The following FAM210A variants were observed in gnomAD, a reference collection of about 807,000 sequenced individuals.
FAM210A encodes family with sequence similarity 210 member A.
In FAM210A, 13 loss-of-function variants were observed where a neutral mutation model predicts 25.3. That is an observed-to-expected ratio of 0.51 (90% CI 0.33 to 0.82). The LOEUF (loss-of-function observed/expected upper bound fraction) is 0.82, where lower values mean the gene tolerates loss of function less well. Ranked by LOEUF, FAM210A falls within the 40% of genes least tolerant of loss-of-function variation. The pLI is 0.02. For missense variants in FAM210A, 319 were observed against 323.2 expected (o/e 0.99, Z 0.10); for synonymous variants, 125 against 118.7 (o/e 1.05, Z -0.35).
chr18:13,695,699 C>T (rs1283927614), intron 1 of FAM210A, among the ~76,000 whole-genome samples: 2 of 142,060 alleles, frequency 1.4e-5, no homozygotes, highest in Non-Finnish European at 3.0e-5. Flanking sequence ...GAACATCACA[C>T]ACCAGGGCCT....
chr18:13,691,791 C>G (rs1395810784), intron 1 of FAM210A, among the ~76,000 whole-genome samples: 2 of 106,114 alleles, frequency 1.9e-5, no homozygotes, highest in Non-Finnish European at 3.9e-5. Context: ...CCAGCCACTG[C>G]AAAAACATGC....
intron 1 of FAM210A, among the ~76,000 whole-genome samples, chr18:13,716,181 T>A (rs1421871331): frequency 2.0e-5 from 3 of 152,218 alleles, no homozygotes; most frequent in Admixed American, 1.3e-4. Flanking sequence ...ACTTTAAGAT[T>A]GTCTAGTTAC....
At chr18:13,669,891 G>A (rs1308769188) in intron 3 of FAM210A, among the ~76,000 whole-genome samples, 1 of 152,198 alleles carries the variant, frequency 6.6e-6, no homozygotes, top group Non-Finnish European at 1.5e-5. Context: ...TGGGGACTTT[G>A]TCTTGTTGAA....
intron 1 of FAM210A, among the ~76,000 whole-genome samples, chr18:13,693,940 T>C (rs915752888): frequency 2.0e-5 from 3 of 152,176 alleles, no homozygotes; most frequent in Admixed American, 6.5e-5. Context: ...GGAAGTTAAA[T>C]TCTCCCTGTT....
At chr18:13,713,843 G>C (rs141960350) in intron 1 of FAM210A, among the ~76,000 whole-genome samples, 1 of 151,872 alleles carries the variant, frequency 6.6e-6, no homozygotes, top group Non-Finnish European at 1.5e-5. Context: ...TGACTCAAGC[G>C]ATCCTCCTGC....
intron 1 of FAM210A, among the ~76,000 whole-genome samples, chr18:13,725,733 G>C (rs556141969): frequency 2.5e-4 from 38 of 152,246 alleles, no homozygotes; most frequent in African/African-American, 8.7e-4. Flanking sequence ...TACAGTAGGC[G>C]CTTTCACTCC....
At chr18:13,704,805 TAC>T (rs1303550930) in intron 1 of FAM210A, among the ~76,000 whole-genome samples, 1 of 152,228 alleles carries the variant, frequency 6.6e-6, no homozygotes, top group East Asian at 1.9e-4. Flanking sequence ...TATCCATAAT[TAC>T]AGTTATTATG....
chr18:13,709,217 T>C (rs1054970189), intron 1 of FAM210A, among the ~76,000 whole-genome samples: 2 of 152,280 alleles, frequency 1.3e-5, no homozygotes, highest in South Asian at 2.1e-4. Context: ...TTTAAAACTT[T>C]CCCATTTTTC....
chr18:13,718,526 C>CAA (rs752693975), intron 1 of FAM210A, among the ~76,000 whole-genome samples: 4 of 142,152 alleles, frequency 2.8e-5, no homozygotes, highest in East Asian at 2.0e-4. Context: ...GATTAAAGGC[C>CAA]AAAAAAAAAA....
chr18:13,683,124 T>G (rs113992614), intron 1 of FAM210A, among the ~76,000 whole-genome samples: 1,966 of 152,294 alleles, frequency 0.013, 7 homozygotes, highest in Middle Eastern at 0.034. Flanking sequence ...TCACCAGGAA[T>G]TACATAAAAT....
At chr18:13,670,325 T>C (rs1261146133) in intron 3 of FAM210A, among the ~76,000 whole-genome samples, 1 of 152,184 alleles carries the variant, frequency 6.6e-6, no homozygotes, top group East Asian at 1.9e-4. Context: ...CCCACCATAA[T>C]TAGAAACTTG....
chr18:13,680,688 C>T (rs2043545747), intron 2 of FAM210A, among the ~76,000 whole-genome samples: 1 of 152,162 alleles, frequency 6.6e-6, no homozygotes, highest in African/African-American at 2.4e-5. Context: ...CACTGAAAAC[C>T]ACTCAACTCT....
chr18:13,684,016 C>T (rs2043576102), intron 1 of FAM210A, among the ~76,000 whole-genome samples: 1 of 152,196 alleles, frequency 6.6e-6, no homozygotes, highest in African/African-American at 2.4e-5. Flanking sequence ...AACAGACTCT[C>T]ACAGATAATC....
intron 3 of FAM210A, 64 bp downstream of exon 3, chr18:13,671,798 T>C: frequency 2.0e-6 from 2 of 985,464 alleles, no homozygotes; most frequent in South Asian, 1.4e-5. Flanking sequence ...TGGAATCTCA[T>C]GGGAAAGTGA....
Position 13,666,633 on chromosome 18 carries a change from C to T in FAM210A, c.666G>A (p.Met222Ile), listed in dbSNP as rs1189379789. The change falls in exon 4 of 4, where the codon ATG becomes ATA. Residue 222 changes from methionine to isoleucine, a missense_variant. Met to Ile is a conservative substitution (Grantham distance 10). Transcript: ENST00000651643. ...TVKYLRSHGY[M>I]STPPPVKEYL... ...ACTCCTTGACGGGTGGCGGCGTGGA[C>T]ATGTAGCCATGACTGCGCAGATACT... 5.6e-6 allele frequency: 9 copies of T among 1,614,062 alleles called. No homozygotes were observed. The highest frequency in any genetic ancestry group is 5.9e-6 in the Non-Finnish European group (7 of 1,180,044).
At chr18:13,722,655 T>A (rs1026971478) in intron 1 of FAM210A, among the ~76,000 whole-genome samples, 1 of 152,204 alleles carries the variant, frequency 6.6e-6, no homozygotes, top group Non-Finnish European at 1.5e-5. Flanking sequence ...CAGACCAAGG[T>A]GAGAAGGGAA....
rs1232043724 is a variant in FAM210A, at chr18:13,726,486, C to G, written c.-186G>C. 6.6e-6 allele frequency: 1 copy of G among 152,648 alleles called. No individual in the cohort carries two copies. Among genetic ancestry groups the G allele is most frequent in the African/African-American group, 2.4e-5 (1 of 41,456 alleles). 9.5% of individuals were successfully genotyped at this position (152,648 alleles called of 1,614,324 possible). On this transcript the variant is annotated 5_prime_UTR_variant, in exon 1 of 4. Transcript: ENST00000651643. ...GCTCAGCCGGACGCTAGCCCCCTGC[C>G]GCCCCCGGCCCCGCCAGCCGCGCCC...
At chr18:13,711,317 G>A (rs1357450457) in intron 1 of FAM210A, among the ~76,000 whole-genome samples, 4 of 152,200 alleles carry the variant, frequency 2.6e-5, no homozygotes, top group Non-Finnish European at 5.9e-5. Context: ...GTTGCAGTGA[G>A]CCAGGATTGT....
At chr18:13,713,725 A>AAAACACACACACACACACACAC (rs1555791549) in intron 1 of FAM210A, among the ~76,000 whole-genome samples, 1 of 141,898 alleles carries the variant, frequency 7.0e-6, no homozygotes, top group Non-Finnish European at 1.5e-5. Flanking sequence ...GTCACTATAA[A>AAAACACACACACACACACACAC]ACACACACAC....
Sources: gnomAD v4.1 joint callset for allele counts (sites outside exome capture counted in the v4.1 genomes callset) on GRCh38, gnomAD v4.1.1 for gene constraint, MANE v1.5 for transcripts, NCBI Gene and HGNC (gene_info 2026-07-23, HGNC 2026-07-21) for gene names.